The following VRK2 variants were observed in gnomAD, a reference collection of about 807,000 sequenced individuals.
VRK2 encodes VRK serine/threonine kinase 2.
In VRK2, 60 loss-of-function variants were observed where a neutral mutation model predicts 57.6. That is an observed-to-expected ratio of 1.04 (90% CI 0.85 to 1.29). The LOEUF (loss-of-function observed/expected upper bound fraction) is 1.29, where lower values mean the gene tolerates loss of function less well. VRK2 is among the 50% of genes most tolerant of loss of function. VRK2 has a pLI of 0.00. For missense variants in VRK2, 705 were observed against 588.1 expected (o/e 1.20, Z -2.06); for synonymous variants, 231 against 199.2 (o/e 1.16, Z -1.35).
intron 1 of VRK2, among the ~76,000 whole-genome samples, chr2:57,933,191 G>C (rs1039188758): frequency 1.3e-5 from 2 of 151,620 alleles, no homozygotes; most frequent in East Asian, 1.9e-4. Context: ...GGGTCTAAAG[G>C]GTAGTTCAAG....
intron 1 of VRK2, among the ~76,000 whole-genome samples, chr2:57,953,254 T>G (rs148076104): frequency 1.3e-5 from 2 of 152,224 alleles, no homozygotes; most frequent in Non-Finnish European, 2.9e-5. Flanking sequence ...TTTGTTCGAA[T>G]TGATGCTGAT....
chr2:58,119,349 A>AG (rs1360925219), intron 7 of VRK2, among the ~76,000 whole-genome samples: 1 of 151,418 alleles, frequency 6.6e-6, no homozygotes, highest in African/African-American at 2.4e-5. Context: ...AATACAAAAA[A>AG]AAAAAAAAAA....
chr2:57,982,719 C>A lies in VRK2; in HGVS notation c.-438-42946C>A, dbSNP rs542731188. Among the ~76,000 whole-genome samples, 4 of 152,280 alleles carry A rather than the reference C, an allele frequency of 2.6e-5. 1 individual carries two copies. In the South Asian group the frequency reaches 8.3e-4, roughly 32 times the overall value. On this transcript the variant is annotated intron_variant, in intron 1 of 15. Transcript: ENST00000417641. ...GAGAATAGAGGACACTCAGATCAGACTTACCCTGTCCCACAAGCAAGACAG... is the reference window on the plus strand; with the variant it reads ...GAGAATAGAGGACACTCAGATCAGAATTACCCTGTCCCACAAGCAAGACAG...
At chr2:57,935,887 T>C (rs1670888553) in intron 1 of VRK2, among the ~76,000 whole-genome samples, 1 of 152,212 alleles carries the variant, frequency 6.6e-6, no homozygotes. Context: ...AACTGTTTTA[T>C]TAACTCTTCA....
intron 2 of VRK2, among the ~76,000 whole-genome samples, chr2:58,068,009 A>T (rs1668857616): frequency 6.6e-6 from 1 of 151,470 alleles, no homozygotes; most frequent in South Asian, 2.1e-4. Flanking sequence ...GGCTCACTGC[A>T]GCCTGCACCT....
chr2:58,023,941 T>C (rs1273603150), intron 1 of VRK2, among the ~76,000 whole-genome samples: 1 of 152,092 alleles, frequency 6.6e-6, no homozygotes, highest in African/African-American at 2.4e-5. Context: ...AATCACACAA[T>C]TGAGTATTAA....
At chr2:58,147,130 T>C (rs1055682305) in intron 12 of VRK2, 1 of 517,770 alleles carries the variant, frequency 1.9e-6, no homozygotes, top group Admixed American at 1.9e-5. Flanking sequence ...CCCCACCTTG[T>C]ATACCCTACC....
intron 12 of VRK2, among the ~76,000 whole-genome samples, chr2:58,156,841 T>C (rs917224892): frequency 6.6e-6 from 1 of 152,200 alleles, no homozygotes; most frequent in Admixed American, 6.5e-5. Context: ...GGATCAGCCC[T>C]GAATCTCTGT....
Position 58,154,843 on chromosome 2 carries a change from T to G in VRK2, c.1183-4506T>G, listed in dbSNP as rs951883711. ...TATAAGTGTCCTGCTAAACCCTGTTTGTACTGCATCCTGTAAATATTTATA... is the reference window on the plus strand; with the variant it reads ...TATAAGTGTCCTGCTAAACCCTGTTGGTACTGCATCCTGTAAATATTTATA... On this transcript the variant is annotated intron_variant, in intron 12 of 12. Coordinates refer to ENST00000340157, the MANE Select transcript of VRK2 (RefSeq NM_006296.7). 1.0e-5 allele frequency: 7 copies of G among 691,226 alleles called. No individual in the cohort carries two copies. In the African/African-American group the frequency reaches 1.3e-4, roughly 12 times the overall value. The allele number at this position is 691,226 out of a possible 1,614,324, so 42.8% of individuals were successfully genotyped here. A position where few individuals can be genotyped will look rare whatever the true frequency, so the allele number is the denominator to read the frequency against.
At chr2:58,005,758 A>C (rs1158445477) in intron 1 of VRK2, among the ~76,000 whole-genome samples, 1 of 152,128 alleles carries the variant, frequency 6.6e-6, no homozygotes, top group Non-Finnish European at 1.5e-5. Context: ...ATTGGGAAAG[A>C]ATAGGATCAT....
At chr2:58,047,350 T>C in intron 1 of VRK2, 1 of 888,796 alleles carries the variant, frequency 1.1e-6, no homozygotes, top group Non-Finnish European at 1.3e-6. Context: ...GAAACTCGTG[T>C]TGAGGACTCA....
rs115858754 is a variant in VRK2 at position 57,996,805 on chromosome 2, C to T, written c.-438-28860C>T. On this transcript the variant is annotated intron_variant, in intron 1 of 15. Coordinates refer to the VRK2 transcript ENST00000417641. ...TATTTGCATATAACCTATGTAGATC[C>T]CCCATATGTTTTAAATTATCTCTAG... Among the ~76,000 whole-genome samples the T allele has an allele frequency of 7.0e-3, 1,060 of 151,668 alleles. 16 individuals are homozygous for T. Among genetic ancestry groups the T allele is most frequent in the African/African-American group, 0.024 (999 of 41,404 alleles).
intron 8 of VRK2, among the ~76,000 whole-genome samples, chr2:58,127,618 G>A (rs886389219): frequency 1.3e-5 from 2 of 152,100 alleles, no homozygotes; most frequent in African/African-American, 4.8e-5. Context: ...TTACCAGTTG[G>A]AAAACTAAGA....
chr2:57,924,074 T>C (rs905920698), intron 1 of VRK2, among the ~76,000 whole-genome samples: 2 of 152,020 alleles, frequency 1.3e-5, no homozygotes, highest in African/African-American at 2.4e-5. Context: ...TCCGTTCTTC[T>C]GATCTCTGTG....
upstream of VRK2, among the ~76,000 whole-genome samples, chr2:58,041,683 T>C (rs2103723090): frequency 6.6e-6 from 1 of 152,332 alleles, no homozygotes; most frequent in Non-Finnish European, 1.5e-5. Context: ...CAAGTCTTTT[T>C]CCTGATCCAG....
chr2:58,010,275 A>T (rs1326637437), intron 1 of VRK2, among the ~76,000 whole-genome samples: 1 of 152,094 alleles, frequency 6.6e-6, no homozygotes, highest in Non-Finnish European at 1.5e-5. Flanking sequence ...AGAGATGATG[A>T]TCATCTCTAC....
intron 2 of VRK2, among the ~76,000 whole-genome samples, chr2:58,064,280 A>G (rs1261947781): frequency 3.3e-5 from 5 of 152,122 alleles, no homozygotes; most frequent in Non-Finnish European, 5.9e-5. Context: ...TGTGGGCTAC[A>G]GAGAAATCTT....
chr2:58,026,189 T>C (rs529438604), intron 2 of VRK2, among the ~76,000 whole-genome samples: 19 of 152,190 alleles, frequency 1.2e-4, no homozygotes, highest in African/African-American at 4.6e-4. Flanking sequence ...CATTGTCCCT[T>C]CTAAGAGAAT....
intron 1 of VRK2, among the ~76,000 whole-genome samples, chr2:58,013,361 A>T (rs954789489): frequency 1.3e-5 from 2 of 152,246 alleles, no homozygotes; most frequent in African/African-American, 4.8e-5. Flanking sequence ...TGAGGCAGCA[A>T]TGCAGAATAT....
Sources: gnomAD v4.1 joint callset for allele counts (sites outside exome capture counted in the v4.1 genomes callset) on GRCh38, gnomAD v4.1.1 for gene constraint, MANE v1.5 for transcripts, NCBI Gene and HGNC (gene_info 2026-07-23, HGNC 2026-07-21) for gene names.